AMPD3: variants seen among roughly 807,000 people sequenced by gnomAD.
AMPD3 encodes the protein AMP deaminase 3.
Under a neutral mutation model 82.3 loss-of-function variants are expected in AMPD3, and 57 were observed. The observed-to-expected ratio is 0.69, with a 90% CI of 0.56 to 0.86. The LOEUF is 0.86. AMPD3 is among the 40% of genes least tolerant of loss of function. AMPD3 has a pLI of 0.00. For synonymous variants in AMPD3, 381 were observed against 394.7 expected, an observed-to-expected ratio of 0.97 and a Z score of 0.41; for missense variants, 870 against 1,003.8, an observed-to-expected ratio of 0.87 and a Z score of 1.80.
At chr11:10,484,488 A>G (rs7127884) in intron 4 of AMPD3, 904,010 of 985,236 alleles carry the variant, frequency 0.92, 414,842 homozygotes, top group East Asian at 0.96. Context: ...AGCCCATTTC[A>G]GTTAAATTTT....
chr11:10,465,331 A>G (rs1848387435), intron 2 of AMPD3, among the ~76,000 whole-genome samples: 1 of 152,236 alleles, frequency 6.6e-6, no homozygotes, highest in Non-Finnish European at 1.5e-5. Flanking sequence ...AATTATGTTC[A>G]GCATGCTTTG....
At chr11:10,490,669 T>C in intron 6 of AMPD3, 4 of 985,016 alleles carry the variant, frequency 4.1e-6, no homozygotes, top group Non-Finnish European at 4.8e-6. Context: ...GTTTTCCTCA[T>C]TTATCTTGTG....
intron 9 of AMPD3, chr11:10,496,589 C>T (rs1325865395): frequency 4.1e-6 from 4 of 977,970 alleles, no homozygotes; most frequent in African/African-American, 1.8e-5. Flanking sequence ...AGAAAGTGCT[C>T]TGATGGGCAT....
At position 10,456,961 on chromosome 11, in the gene AMPD3, T is replaced by A. The variant is rs930672; in HGVS notation, c.-6+1513T>A. 0.75 allele frequency among the ~76,000 whole-genome samples: 112,828 copies of A among 149,928 alleles called. 42,841 individuals are homozygous for A. The highest frequency in any genetic ancestry group is 0.88 in the East Asian group (4,468 of 5,082). On this transcript the variant is annotated intron_variant, in intron 1 of 14. Coordinates refer to ENST00000396553, the MANE Select transcript of AMPD3 (RefSeq NM_001025389.2). This position sits in a 1 kb window ranked among gnomAD's most constrained non-coding sequence, Gnocchi z 4.3. ...TATGGAATTAATTATTTTGTTGTGG[T>A]TGCTGTTGTTTCTTGCTTTTTTTTT...
intron 3 of AMPD3, among the ~76,000 whole-genome samples, chr11:10,480,180 G>T (rs565318132): frequency 2.6e-5 from 4 of 152,228 alleles, no homozygotes; most frequent in African/African-American, 9.6e-5. Flanking sequence ...TCCTTGGCAC[G>T]CAGTAGGTCT....
chr11:10,501,548 C>T lies in AMPD3; in HGVS notation c.1800C>T (p.Phe600=). Residue 600 remains phenylalanine (F), a synonymous_variant, in exon 12 of 15, where the codon TTC becomes TTT. Transcript: ENST00000396553. ...CCATCACCCACCTGGTGTCTGCCTT[C>T]CTCACTGCTGACAACATTTCCCACG... ...AGSITHLVSA[F]LTADNISHGL... The T allele has an allele frequency of 6.2e-7, 1 of 1,614,192 alleles. No individual in the cohort carries two copies. Among genetic ancestry groups the T allele is most frequent in the Non-Finnish European group, 8.5e-7 (1 of 1,180,030 alleles).
At chr11:10,477,208 C>T (rs755303003) in intron 2 of AMPD3, 109 of 645,490 alleles carry the variant, frequency 1.7e-4, no homozygotes, top group Non-Finnish European at 2.0e-4. Flanking sequence ...GTAGGTATCA[C>T]ACTAGTACCT....
intron 12 of AMPD3, 165 bp from the exon 13 acceptor site, chr11:10,502,556 G>A: frequency 1.0e-6 from 1 of 985,194 alleles, no homozygotes; most frequent in Non-Finnish European, 1.2e-6. Flanking sequence ...GGGGAGAGTG[G>A]GTCTGAGTGT....
intron 10 of AMPD3, 42 bp from the exon 11 acceptor site, chr11:10,500,044 T>C (rs768742670): frequency 1.9e-6 from 3 of 1,613,374 alleles, no homozygotes; most frequent in Non-Finnish European, 2.5e-6. Flanking sequence ...GGCTGAGTCC[T>C]GGTCCTGCCT....
At chr11:10,488,097 T>C (rs910344491) in intron 6 of AMPD3, 1 of 463,084 alleles carries the variant, frequency 2.2e-6, no homozygotes, top group African/African-American at 2.1e-5. Context: ...GCCTCTGATA[T>C]GCTCAGATCT....
At chr11:10,476,472 T>TG (rs1423768571) in intron 2 of AMPD3, among the ~76,000 whole-genome samples, 33 of 143,674 alleles carry the variant, frequency 2.3e-4, no homozygotes, top group Admixed American at 3.0e-4. Context: ...AGTGTTTTTT[T>TG]TTTTGTGTGT....
chr11:10,476,547 T>A (rs901242485), intron 2 of AMPD3, among the ~76,000 whole-genome samples: 1 of 152,066 alleles, frequency 6.6e-6, no homozygotes, highest in Non-Finnish European at 1.5e-5. Flanking sequence ...CTGTTGCTTC[T>A]TGTTGGTAGG....
intron 9 of AMPD3, 25 bp downstream of exon 9, chr11:10,495,758 C>A: frequency 6.2e-7 from 1 of 1,613,612 alleles, no homozygotes; most frequent in African/African-American, 1.3e-5. Context: ...CCGCTGTCTA[C>A]CCTGTGCCCT....
intron 4 of AMPD3, among the ~76,000 whole-genome samples, chr11:10,483,817 C>T (rs1430355709): frequency 3.3e-5 from 5 of 152,228 alleles, no homozygotes; most frequent in African/African-American, 9.6e-5. Flanking sequence ...CCAGGCAGGT[C>T]ACTCTGCCTT....
Position 10,456,388 on chromosome 11 carries a change from T to C in AMPD3, c.-6+940T>C. The stretch of plus-strand genomic sequence containing the variant: ...TGAGTGGCATCTTCAGGACCAGTCA[T>C]GGAGCCAGGCTCAGGTCTGTGTCGG... On this transcript the variant is annotated intron_variant, in intron 1 of 14. Transcript: ENST00000396553. The surrounding 1 kb of genome is among the most constrained non-coding windows in gnomAD (Gnocchi z 4.3). The C allele has an allele frequency of 2.5e-6, 4 of 1,613,764 alleles. No individual in the cohort carries two copies. Among genetic ancestry groups the C allele is most frequent in the Non-Finnish European group, 3.4e-6 (4 of 1,179,704 alleles).
In AMPD3 at chr11:10,484,928, A is replaced by G; in HGVS notation, c.698A>G (p.Asp233Gly). ...CAGGGGGGCATCCTCTTTGTGTATG[A>G]TAACAAGAAGATGCTGGAGCACCAG... ...HMQGGILFVY[D>G]NKKMLEHQEP... is the part of the protein sequence containing the mutation. The change falls in exon 5 of 15, where the codon GAT (aspartate) becomes GGT (glycine). Residue 233 changes from aspartate (D) to glycine (G), a missense_variant. Physicochemically the swap from Asp to Gly is moderately conservative, Grantham distance 94. Transcript: ENST00000396553. 6.2e-7 allele frequency: 1 copy of G among 1,614,084 alleles called. No homozygotes were observed. Among genetic ancestry groups the G allele is most frequent in the Non-Finnish European group, 8.5e-7 (1 of 1,180,008 alleles).
chr11:10,481,788 C>T, intron 3 of AMPD3: 2 of 484,914 alleles, frequency 4.1e-6, no homozygotes, highest in South Asian at 4.1e-5. Flanking sequence ...AGATTCGGTG[C>T]CCAGGGTTTT....
Position 10,493,546 on chromosome 11 carries a change from G to C in AMPD3, c.1134+3G>C. The C allele has an allele frequency of 6.2e-7, 1 of 1,613,810 alleles. No homozygotes were observed. The highest frequency in any genetic ancestry group is 8.5e-7 in the Non-Finnish European group (1 of 1,179,848). On this transcript the variant is annotated splice_donor_region_variant and intron_variant, in intron 7 of 14. Coordinates refer to ENST00000396553, the MANE Select transcript of AMPD3 (RefSeq NM_001025389.2). ...TGGACTCACTGGATGTCCACGCGGT[G>C]AGTGAGCTTCTGCTCCAGTGCCGCC...
At chr11:10,485,586 C>T (rs1156715434) in intron 5 of AMPD3, among the ~76,000 whole-genome samples, 1 of 152,108 alleles carries the variant, frequency 6.6e-6, no homozygotes. Context: ...CCTCTGCTTG[C>T]TGGTAGCTAC....
Sources: gnomAD v4.1 joint callset for allele counts (sites outside exome capture counted in the v4.1 genomes callset) on GRCh38, gnomAD v4.1.1 for gene constraint, Gnocchi (gnomAD v3.1) non-coding constraint, MANE v1.5 for transcripts, NCBI Gene and HGNC (gene_info 2026-07-23, HGNC 2026-07-21) for gene names.